The following INPP4A variants were observed in gnomAD, a reference collection of about 807,000 sequenced individuals.
INPP4A encodes the protein inositol polyphosphate-4-phosphatase type I A.
Under a neutral mutation model 119.8 loss-of-function variants are expected in INPP4A, and 33 were observed. The observed-to-expected ratio is 0.28, with a 90% CI of 0.21 to 0.37. The LOEUF (loss-of-function observed/expected upper bound fraction) is 0.37, where lower values mean the gene tolerates loss of function less well. Among genes scored for constraint, INPP4A ranks in the 10% least tolerant of loss-of-function variants. The probability of loss-of-function intolerance (pLI) is 1.00; values close to 1 mark genes in which losing one functional copy is unlikely to be tolerated. For missense variants in INPP4A, 956 were observed against 1,289.9 expected (o/e 0.74, Z 3.97); for synonymous variants, 496 against 500.7 (o/e 0.99, Z 0.12).
Position 98,591,901 on chromosome 2 carries a change from GA to G in INPP4A, c.*4294del, listed in dbSNP as rs947449788. The G allele has an allele frequency of 2.0e-5, 3 of 152,190 alleles. No homozygotes were observed. The highest frequency in any genetic ancestry group is 2.9e-5 in the Non-Finnish European group (2 of 68,060). 9.4% of individuals were successfully genotyped at this position (152,190 alleles called of 1,614,324 possible). A position where few individuals can be genotyped will look rare whatever the true frequency, so the allele number is the denominator to read the frequency against. On this transcript the variant is annotated 3_prime_UTR_variant, in exon 25 of 25. Transcript: ENST00000409851. ...TTCTCACAGTATCCTCAGCAGCATT[GA>G]GTGTTCCTAATGTTGTAGTAATGAG...
chr2:98,481,072 C>T (rs1429548292), intron 1 of INPP4A, among the ~76,000 whole-genome samples: 2 of 152,218 alleles, frequency 1.3e-5, no homozygotes, highest in African/African-American at 4.8e-5. Flanking sequence ...CACAGGTGTG[C>T]TTCAAGTTCT....
At chr2:98,527,384 G>A (rs1559008686) in intron 4 of INPP4A, among the ~76,000 whole-genome samples, 1 of 152,206 alleles carries the variant, frequency 6.6e-6, no homozygotes, top group Non-Finnish European at 1.5e-5. Flanking sequence ...AACAATCACT[G>A]TCCATTTTTT....
chr2:98,515,912 G>A (rs1016641536), intron 1 of INPP4A, among the ~76,000 whole-genome samples: 10 of 152,212 alleles, frequency 6.6e-5, no homozygotes, highest in African/African-American at 2.4e-4. Flanking sequence ...AGGGTTTACT[G>A]TCCACTTGAT....
chr2:98,565,609 C>A (rs375292351), intron 19 of INPP4A, 31 bp from the exon 20 acceptor site: 10 of 1,578,880 alleles, frequency 6.3e-6, no homozygotes, highest in Non-Finnish European at 8.6e-6. Context: ...GGGCCCTCTG[C>A]CTGACAGCCC....
chr2:98,549,889 T>C (rs1693186551), intron 13 of INPP4A, among the ~76,000 whole-genome samples: 1 of 152,166 alleles, frequency 6.6e-6, no homozygotes, highest in South Asian at 2.1e-4. Flanking sequence ...AGACCCATGC[T>C]ACTTCTGTGG....
chr2:98,546,726 T>G lies in INPP4A; in HGVS notation c.1163+32T>G. On this transcript the variant is annotated intron_variant, in intron 13 of 24. Coordinates refer to ENST00000409851, the MANE Select transcript of INPP4A (RefSeq NM_001134225.2). The surrounding 1 kb of genome is among the most constrained non-coding windows in gnomAD (Gnocchi z 4.2). ...AGCCAGAGAGGGTTTGTGGTCCTTGTACAGCTTTCTGATGCTTCTTTTCTC... is the reference window on the plus strand; with the variant it reads ...AGCCAGAGAGGGTTTGTGGTCCTTGGACAGCTTTCTGATGCTTCTTTTCTC... The G allele has an allele frequency of 7.9e-7, 1 of 1,272,866 alleles. No homozygotes were observed. The highest frequency in any genetic ancestry group is 1.1e-6 in the Non-Finnish European group (1 of 872,456). The allele number at this position is 1,272,866 out of a possible 1,614,324, so 78.8% of individuals were successfully genotyped here.
chr2:98,485,695 AT>A (rs1373880834), intron 1 of INPP4A, among the ~76,000 whole-genome samples: 1 of 152,120 alleles, frequency 6.6e-6, no homozygotes, highest in Non-Finnish European at 1.5e-5. Flanking sequence ...AAGTATTTTG[AT>A]TTTTAAATGA....
intron 1 of INPP4A, among the ~76,000 whole-genome samples, chr2:98,477,994 G>A (rs981322204): frequency 6.6e-6 from 1 of 152,184 alleles, no homozygotes; most frequent in African/African-American, 2.4e-5. Context: ...GATTCAGTGC[G>A]AGTGCAGTCC....
At chr2:98,564,137 A>G (rs550194876) in intron 18 of INPP4A, among the ~76,000 whole-genome samples, 1 of 152,228 alleles carries the variant, frequency 6.6e-6, no homozygotes, top group African/African-American at 2.4e-5. Context: ...AGTAAAGTGA[A>G]CAGTGATTTG....
chr2:98,573,385 C>T (rs1433344049), intron 23 of INPP4A, among the ~76,000 whole-genome samples: 1 of 152,234 alleles, frequency 6.6e-6, no homozygotes, highest in Non-Finnish European at 1.5e-5. Flanking sequence ...GAATTCCAAG[C>T]CACTGCTCTG....
intron 1 of INPP4A, among the ~76,000 whole-genome samples, chr2:98,476,948 T>A (rs1039308721): frequency 6.6e-6 from 1 of 152,214 alleles, no homozygotes; most frequent in Non-Finnish European, 1.5e-5. Context: ...CCTGAGTGCC[T>A]CCATCCCCCT....
chr2:98,572,688 C>T, intron 22 of INPP4A, 127 bp from the exon 23 acceptor site: 2 of 612,258 alleles, frequency 3.3e-6, no homozygotes, highest in Non-Finnish European at 5.7e-6. Flanking sequence ...ACACCTCCAT[C>T]CCTTCTTCAA....
chr2:98,555,850 A>C, intron 16 of INPP4A, 42 bp downstream of exon 16: 1 of 1,517,024 alleles, frequency 6.6e-7, no homozygotes. Context: ...CCTCCATTTC[A>C]CCTTGTGCTG....
intron 1 of INPP4A, among the ~76,000 whole-genome samples, chr2:98,512,059 G>A (rs1279801532): frequency 6.6e-6 from 1 of 152,226 alleles, no homozygotes; most frequent in East Asian, 1.9e-4. Context: ...TACAAGCGCT[G>A]TGGGGGCCAG....
At chr2:98,520,254 A>G (rs1686929487) in intron 3 of INPP4A, 100 bp downstream of exon 3, 1 of 859,158 alleles carries the variant, frequency 1.2e-6, no homozygotes, top group African/African-American at 1.7e-5. Flanking sequence ...ATTCCCCATG[A>G]CTACCCTAGA....
intron 1 of INPP4A, among the ~76,000 whole-genome samples, chr2:98,501,735 G>A (rs1053639021): frequency 5.3e-5 from 8 of 152,200 alleles, no homozygotes; most frequent in African/African-American, 1.9e-4. Context: ...CATCTGGCAG[G>A]GGGCACTGAA....
At position 98,592,676 on chromosome 2, in the gene INPP4A, C is replaced by T. The variant is rs1200908705; in HGVS notation, c.*5068C>T. ...AGCGCGGCCTCTGGCAGAGAGAGCG[C>T]TGGGTTGTACAGATGGAAACTTGTG... is the stretch of plus-strand genomic sequence containing the variant. On this transcript the variant is annotated 3_prime_UTR_variant, in exon 25 of 25. Transcript: ENST00000409851. 6.6e-6 allele frequency: 1 copy of T among 152,278 alleles called. No homozygotes were observed. Among genetic ancestry groups the T allele is most frequent in the East Asian group, 1.9e-4 (1 of 5,200 alleles). The allele number at this position is 152,278 out of a possible 1,614,324, so 9.4% of individuals were successfully genotyped here. A position where few individuals can be genotyped will look rare whatever the true frequency, so the allele number is the denominator to read the frequency against.
chr2:98,574,922 C>T (rs1254006553), intron 23 of INPP4A, among the ~76,000 whole-genome samples: 1 of 152,170 alleles, frequency 6.6e-6, no homozygotes, highest in Non-Finnish European at 1.5e-5. Flanking sequence ...GTAGAGATCT[C>T]AGGGTAACAA....
At chr2:98,551,452 C>T (rs1393545779) in intron 13 of INPP4A, among the ~76,000 whole-genome samples, 6 of 152,066 alleles carry the variant, frequency 3.9e-5, no homozygotes, top group Non-Finnish European at 7.4e-5. Flanking sequence ...TTTACTGTGG[C>T]GTGTGGGCTT....
Sources: allele counts gnomAD v4.1 joint callset (sites outside exome capture counted in the v4.1 genomes callset), GRCh38; gene constraint gnomAD v4.1.1; non-coding constraint Gnocchi (gnomAD v3.1); transcripts MANE v1.5; gene names NCBI Gene and HGNC (gene_info 2026-07-23, HGNC 2026-07-21).